FER1L5: variants seen among roughly 807,000 people sequenced by gnomAD.
FER1L5 encodes the protein fer-1 like family member 5, also known as fer-1-like protein 5.
In FER1L5, 187 loss-of-function variants were observed where a neutral mutation model predicts 279.9. The observed-to-expected ratio is 0.67, with a 90% confidence interval of 0.59 to 0.75. FER1L5 has a LOEUF of 0.75. FER1L5 is among the 30% of genes least tolerant of loss of function. The pLI is 0.00. For missense variants in FER1L5, 2,091 were observed against 2,594.4 expected, an observed-to-expected ratio of 0.81 and a Z score of 4.21; for synonymous variants, 921 against 989.7, an observed-to-expected ratio of 0.93 and a Z score of 1.30.
In FER1L5 at chr2:96,698,443, G is replaced by A. The variant is rs747170771; in HGVS notation, c.4357-228G>A. On this transcript the variant is annotated intron_variant, in intron 40 of 52. Coordinates refer to ENST00000624922, the MANE Select transcript of FER1L5 (RefSeq NM_001293083.2). This position sits in a 1 kb window ranked among gnomAD's most constrained non-coding sequence, Gnocchi z 5.5. Reference sequence around the variant, plus strand: ...GGAATGAGTCCACAGCGGCACAGACGGGGAACTCACCTACTGACTGCGGTT... The same window carrying A: ...GGAATGAGTCCACAGCGGCACAGACAGGGAACTCACCTACTGACTGCGGTT... 1.4e-4 allele frequency among the ~76,000 whole-genome samples: 22 copies of A among 152,056 alleles called. No homozygotes were observed. The highest frequency in any genetic ancestry group is 2.9e-4 in the Non-Finnish European group (20 of 68,004).
At chr2:96,648,040 C>G (rs1222826346) in intron 4 of FER1L5, among the ~76,000 whole-genome samples, 154 bp downstream of exon 4, 1 of 152,234 alleles carries the variant, frequency 6.6e-6, no homozygotes, top group Non-Finnish European at 1.5e-5. Flanking sequence ...CTGCGCCCCC[C>G]TCCCCAACGC....
intron 24 of FER1L5, among the ~76,000 whole-genome samples, chr2:96,688,469 C>T (rs1283847522): frequency 6.6e-6 from 1 of 152,150 alleles, no homozygotes; most frequent in African/African-American, 2.4e-5. Context: ...GGGGAGTGGG[C>T]GGGCGGTGGC....
At chr2:96,699,316 CCT>C (rs35098783) in intron 42 of FER1L5, among the ~76,000 whole-genome samples, 180 bp downstream of exon 42, 1 of 152,146 alleles carries the variant, frequency 6.6e-6, no homozygotes, top group East Asian at 1.9e-4. Context: ...CCGGTTCTAC[CCT>C]GTTTCTCACT....
intron 37 of FER1L5, 131 bp downstream of exon 37, chr2:96,696,208 G>A: frequency 8.9e-7 from 1 of 1,127,388 alleles, no homozygotes; most frequent in Non-Finnish European, 1.3e-6. Flanking sequence ...GCTCTGTAGG[G>A]TCCTCAGCCT....
At chr2:96,668,092 G>C (rs115003102) in intron 14 of FER1L5, among the ~76,000 whole-genome samples, 1 of 151,994 alleles carries the variant, frequency 6.6e-6, no homozygotes, top group Non-Finnish European at 1.5e-5. Context: ...TGATCTGCCC[G>C]CTTCAGCCCC....
At chr2:96,652,257 A>G (rs1268511514) in intron 7 of FER1L5, 8 of 549,788 alleles carry the variant, frequency 1.5e-5, no homozygotes, top group South Asian at 2.1e-5. Flanking sequence ...AAACAATTAC[A>G]ACAGAGCAGA....
chr2:96,675,867 C>T (rs1057306864), intron 19 of FER1L5, among the ~76,000 whole-genome samples: 4 of 152,040 alleles, frequency 2.6e-5, no homozygotes, highest in African/African-American at 4.8e-5. Context: ...AAGCAGTCCA[C>T]CCCACTTGGC....
chr2:96,701,906 G>C (rs757680874), intron 45 of FER1L5, 49 bp from the exon 46 acceptor site: 1 of 1,581,034 alleles, frequency 6.3e-7, no homozygotes, highest in African/African-American at 1.4e-5. Flanking sequence ...CCAGCCTGCT[G>C]AGAACAGAGG....
At chr2:96,647,308 G>A (rs1002107300) in intron 3 of FER1L5, among the ~76,000 whole-genome samples, 153 bp downstream of exon 3, 2 of 152,176 alleles carry the variant, frequency 1.3e-5, no homozygotes, top group Non-Finnish European at 2.9e-5. Flanking sequence ...TACTGAAAGG[G>A]TAGCCAGGGC....
intron 1 of FER1L5, among the ~76,000 whole-genome samples, chr2:96,643,840 C>T (rs1014721528): frequency 6.7e-6 from 1 of 149,544 alleles, no homozygotes; most frequent in Non-Finnish European, 1.5e-5. Context: ...ATTTAGATAT[C>T]AAAGATCTGG....
chr2:96,646,995 C>T (rs1317850376), intron 2 of FER1L5, 69 bp from the exon 3 acceptor site: 1 of 1,480,686 alleles, frequency 6.8e-7, no homozygotes, highest in Admixed American at 2.1e-5. Flanking sequence ...CCACGTCTTT[C>T]CTCATTTCCT....
intron 14 of FER1L5, among the ~76,000 whole-genome samples, chr2:96,668,206 A>G (rs1416205768): frequency 6.6e-6 from 1 of 152,158 alleles, no homozygotes; most frequent in Non-Finnish European, 1.5e-5. Flanking sequence ...GGCCCCTCTC[A>G]GGACCTTGCA....
chr2:96,689,979 G>A lies in FER1L5; in HGVS notation c.2640+221G>A, dbSNP rs2077079333. 6.6e-6 allele frequency among the ~76,000 whole-genome samples: 1 copy of A among 152,140 alleles called. No individual in the cohort carries two copies. Among genetic ancestry groups the A allele is most frequent in the Non-Finnish European group, 1.5e-5 (1 of 68,022 alleles). ...AAATAAGACTGAGAAACAACAAAAG[G>A]GAGGCAATGTTTCTTCCTAGGCCTC... On this transcript the variant is annotated intron_variant, in intron 26 of 52. Coordinates refer to ENST00000624922, the MANE Select transcript of FER1L5 (RefSeq NM_001293083.2). The surrounding 1 kb of genome is among the most constrained non-coding windows in gnomAD (Gnocchi z 4.6).
At chr2:96,665,466 C>T (rs2076094767) in intron 14 of FER1L5, among the ~76,000 whole-genome samples, 1 of 152,122 alleles carries the variant, frequency 6.6e-6, no homozygotes, top group Admixed American at 6.5e-5. Context: ...CCTAGTCCAT[C>T]CCCCATCCTT....
intron 18 of FER1L5, among the ~76,000 whole-genome samples, chr2:96,672,028 A>G (rs1401352663): frequency 6.6e-6 from 1 of 152,048 alleles, no homozygotes; most frequent in Non-Finnish European, 1.5e-5. Flanking sequence ...GAGCCCCAGG[A>G]GTTTGAGACC....
chr2:96,686,373 G>A (rs1381201648), intron 23 of FER1L5, 23 bp downstream of exon 23: 3 of 1,543,420 alleles, frequency 1.9e-6, no homozygotes, highest in Non-Finnish European at 2.6e-6. Context: ...GACTCCTCAG[G>A]GGAGGACAGG....
At chr2:96,651,190 T>C (rs556904927) in intron 6 of FER1L5, among the ~76,000 whole-genome samples, 2 of 152,352 alleles carry the variant, frequency 1.3e-5, no homozygotes, top group Non-Finnish European at 2.9e-5. Flanking sequence ...TCCCAGTGGA[T>C]TGTCTGTCTC....
In FER1L5 at chr2:96,698,638, C is replaced by T. The variant is rs1458889478; in HGVS notation, c.4357-33C>T. Reference sequence around the variant, plus strand: ...GCTTTACAGAGCTGGCCAGCACTGCCAGGCTGGGCCCCCAACACCCTCCCC... The same window carrying T: ...GCTTTACAGAGCTGGCCAGCACTGCTAGGCTGGGCCCCCAACACCCTCCCC... On this transcript the variant is annotated intron_variant, in intron 40 of 52. Transcript: ENST00000624922. This position sits in a 1 kb window ranked among gnomAD's most constrained non-coding sequence, Gnocchi z 5.5. 6.4e-7 allele frequency: 1 copy of T among 1,553,594 alleles called. No homozygotes were observed. The highest frequency in any genetic ancestry group is 8.7e-7 in the Non-Finnish European group (1 of 1,144,676).
chr2:96,653,343 A>C lies in FER1L5; in HGVS notation c.634-297A>C, dbSNP rs560449091. 61 of 346,140 alleles carry C rather than the reference A, an allele frequency of 1.8e-4. No homozygotes were observed. The South Asian group carries it at 1.9e-3, about 11-fold the overall frequency. 21.4% of individuals were successfully genotyped at this position (346,140 alleles called of 1,614,324 possible). ...TTTGGATTTCAGATTTTTTTTGGGA[A>C]TCTGGAATATTTGCATTGTACCAGT... On this transcript the variant is annotated intron_variant, in intron 7 of 52. Coordinates refer to ENST00000624922, the MANE Select transcript of FER1L5 (RefSeq NM_001293083.2).
Sources: gnomAD v4.1 joint callset for allele counts (sites outside exome capture counted in the v4.1 genomes callset) on GRCh38, gnomAD v4.1.1 for gene constraint, Gnocchi (gnomAD v3.1) non-coding constraint, MANE v1.5 for transcripts, NCBI Gene and HGNC (gene_info 2026-07-23, HGNC 2026-07-21) for gene names.